TBC1D14: variants seen among roughly 807,000 people sequenced by gnomAD.
TBC1D14 encodes the protein TBC1 domain family member 14, also known as TBC1 domain family, member 14.
TBC1D14 carries 26 observed loss-of-function variants against 79.0 expected under a neutral mutation model. The observed-to-expected ratio is 0.33, with a 90% CI of 0.24 to 0.46. TBC1D14 has a LOEUF of 0.46. Among genes scored for constraint, TBC1D14 ranks in the 20% least tolerant of loss-of-function variants. The pLI is 1.00. For missense variants in TBC1D14, 769 were observed against 887.6 expected, an observed-to-expected ratio of 0.87 and a Z score of 1.70; for synonymous variants, 394 against 349.9, an observed-to-expected ratio of 1.13 and a Z score of -1.40.
intron 8 of TBC1D14, 54 bp downstream of exon 8, chr4:7,004,978 C>G: frequency 6.7e-7 from 1 of 1,500,644 alleles, no homozygotes; most frequent in South Asian, 1.1e-5. Flanking sequence ...GTTTGTCATT[C>G]TTTATTACAT....
chr4:6,933,033 C>T (rs995063505), intron 2 of TBC1D14, among the ~76,000 whole-genome samples: 4 of 152,028 alleles, frequency 2.6e-5, no homozygotes, highest in Non-Finnish European at 4.4e-5. Flanking sequence ...CTGAGCTCAT[C>T]ATTTCCCTGA....
chr4:6,999,646 C>T (rs1332957681), intron 6 of TBC1D14, among the ~76,000 whole-genome samples: 1 of 152,130 alleles, frequency 6.6e-6, no homozygotes, highest in African/African-American at 2.4e-5. Flanking sequence ...AAACCTGGGG[C>T]CTCGCATGTT....
chr4:6,948,745 G>T (rs1713731226), intron 2 of TBC1D14, among the ~76,000 whole-genome samples: 1 of 148,050 alleles, frequency 6.8e-6, no homozygotes, highest in South Asian at 2.1e-4. Flanking sequence ...TGTCACCCAG[G>T]CTGGAGTGCA....
At chr4:6,926,367 A>AT (rs2108932619) in intron 2 of TBC1D14, among the ~76,000 whole-genome samples, 1 of 152,230 alleles carries the variant, frequency 6.6e-6, no homozygotes, top group East Asian at 1.9e-4. Flanking sequence ...AGCTGTGTAT[A>AT]TTGGATTCTC....
chr4:7,013,870 A>G (rs965003801), intron 11 of TBC1D14, among the ~76,000 whole-genome samples: 3 of 151,744 alleles, frequency 2.0e-5, no homozygotes, highest in African/African-American at 2.4e-5. Context: ...CAGCCTCCCG[A>G]GTAGCTGGGA....
At chr4:7,007,241 G>T (rs1720295410) in intron 9 of TBC1D14, among the ~76,000 whole-genome samples, 1 of 152,194 alleles carries the variant, frequency 6.6e-6, no homozygotes, top group Non-Finnish European at 1.5e-5. Flanking sequence ...GCAGCTGAGG[G>T]ACAGAAGCCT....
At chr4:6,914,661 G>T (rs1428866376) in intron 1 of TBC1D14, among the ~76,000 whole-genome samples, 1 of 152,184 alleles carries the variant, frequency 6.6e-6, no homozygotes, top group Non-Finnish European at 1.5e-5. Context: ...TGTCATCTGC[G>T]CTTGGGGAGC....
chr4:6,959,136 C>T (rs867983424), intron 2 of TBC1D14, among the ~76,000 whole-genome samples: 3 of 151,576 alleles, frequency 2.0e-5, no homozygotes, highest in Admixed American at 6.6e-5. Flanking sequence ...CCGCCCGCCT[C>T]GGCCTCCCAA....
At chr4:6,971,459 C>T (rs945510618) in intron 3 of TBC1D14, among the ~76,000 whole-genome samples, 4 of 152,160 alleles carry the variant, frequency 2.6e-5, no homozygotes, top group African/African-American at 2.4e-5. Flanking sequence ...ATTCTTTTGG[C>T]TTGGGCCTTA....
intron 2 of TBC1D14, among the ~76,000 whole-genome samples, chr4:6,944,111 G>A (rs765487687): frequency 1.3e-5 from 2 of 152,062 alleles, no homozygotes; most frequent in East Asian, 3.9e-4. Flanking sequence ...TTAAAAATGC[G>A]CAGGAAAACT....
chr4:6,914,321 G>A (rs955231423), intron 1 of TBC1D14, among the ~76,000 whole-genome samples: 2 of 152,116 alleles, frequency 1.3e-5, no homozygotes, highest in African/African-American at 4.8e-5. Flanking sequence ...TTAAGTTCCA[G>A]GTGTCTGAAA....
intron 1 of TBC1D14, among the ~76,000 whole-genome samples, chr4:6,912,090 C>G (rs950513312): frequency 1.3e-5 from 2 of 152,036 alleles, no homozygotes; most frequent in African/African-American, 4.8e-5. Flanking sequence ...GTTTTAGGAC[C>G]ACGTATAAAT....
chr4:6,994,372 C>G, intron 4 of TBC1D14, 70 bp downstream of exon 4: 1 of 1,415,848 alleles, frequency 7.1e-7, no homozygotes, highest in Non-Finnish European at 1.0e-6. Context: ...AGCAGCTTTT[C>G]ATTAGAGAAA....
intron 7 of TBC1D14, 41 bp from the exon 8 acceptor site, chr4:7,004,803 T>A: frequency 6.2e-7 from 1 of 1,600,486 alleles, no homozygotes. Context: ...TGACGAAAAA[T>A]ACATGTGCAC....
chr4:6,921,823 A>G (rs1034722669), intron 1 of TBC1D14, among the ~76,000 whole-genome samples: 3 of 150,702 alleles, frequency 2.0e-5, no homozygotes, highest in African/African-American at 7.3e-5. Flanking sequence ...CAGCTTCCCT[A>G]GTAGCTGAGA....
intron 1 of TBC1D14, among the ~76,000 whole-genome samples, chr4:6,914,574 A>G (rs1358376603): frequency 6.6e-6 from 1 of 152,180 alleles, no homozygotes; most frequent in African/African-American, 2.4e-5. Flanking sequence ...TTTAGACCGC[A>G]GTCTTCTTTC....
At chr4:6,935,572 C>G (rs1712231378) in intron 2 of TBC1D14, among the ~76,000 whole-genome samples, 2 of 152,164 alleles carry the variant, frequency 1.3e-5, no homozygotes, top group Middle Eastern at 3.4e-3. Flanking sequence ...CTCTCCCTTT[C>G]CCTCTCCCTC....
At chr4:6,918,351 C>T (rs538234037) in intron 1 of TBC1D14, among the ~76,000 whole-genome samples, 3 of 152,284 alleles carry the variant, frequency 2.0e-5, no homozygotes, top group African/African-American at 7.2e-5. Context: ...TTTTGTGTTC[C>T]TGTTTACTCT....
chr4:6,916,236 A>T (rs1378850220), intron 1 of TBC1D14, among the ~76,000 whole-genome samples: 1 of 151,838 alleles, frequency 6.6e-6, no homozygotes, highest in African/African-American at 2.4e-5. Context: ...ATCAGATAGG[A>T]CAGTGGTGCC....
Sources: gnomAD v4.1 joint callset for allele counts (sites outside exome capture counted in the v4.1 genomes callset) on GRCh38, gnomAD v4.1.1 for gene constraint, MANE v1.5 for transcripts, NCBI Gene and HGNC (gene_info 2026-07-23, HGNC 2026-07-21) for gene names.